The following GPC5 variants were observed in gnomAD, a reference collection of about 807,000 sequenced individuals.
The protein encoded by GPC5 is glypican-5.
A neutral mutation model predicts 53.9 loss-of-function variants in GPC5; 47 were observed. That is an observed-to-expected ratio of 0.87 (90% CI 0.69 to 1.11). The LOEUF (loss-of-function observed/expected upper bound fraction) is 1.11. Among genes scored for constraint, GPC5 ranks in the 50% most tolerant of loss-of-function variants. The pLI is 0.00. For synonymous variants in GPC5, 286 were observed against 263.3 expected (o/e 1.09, Z -0.84); for missense variants, 748 against 713.1 (o/e 1.05, Z -0.56).
chr13:92,200,958 GAC>G (rs1484894835), intron 7 of GPC5, among the ~76,000 whole-genome samples: 1 of 141,960 alleles, frequency 7.0e-6, no homozygotes, highest in African/African-American at 2.7e-5. Flanking sequence ...GCAACAGACA[GAC>G]ACACAGGCAC....
At chr13:92,061,596 C>A (rs1162816427) in intron 6 of GPC5, among the ~76,000 whole-genome samples, 2 of 151,984 alleles carry the variant, frequency 1.3e-5, no homozygotes, top group African/African-American at 4.8e-5. Flanking sequence ...AGGGATTATA[C>A]TTTAAATATT....
rs1164190037 is a variant in GPC5 at position 92,144,894 on chromosome 13, G to A, written c.1466G>A (p.Gly489Asp). 2.5e-6 allele frequency: 4 copies of A among 1,610,074 alleles called. No homozygotes were observed. Among genetic ancestry groups the A allele is most frequent in the Non-Finnish European group, 3.4e-6 (4 of 1,178,452 alleles). The change falls in exon 7 of 8, where the codon GGC becomes GAC. Residue 489 changes from glycine (G) to aspartate (D), a missense_variant. Coordinates refer to ENST00000377067, the MANE Select transcript of GPC5 (RefSeq NM_004466.6). Reference protein sequence around the residue: ...WELLQLGSGGGMVEQVSGDCD... With the variant: ...WELLQLGSGGDMVEQVSGDCD... The stretch of plus-strand genomic sequence containing the variant: ...CTTCTTCAGCTGGGCAGTGGTGGAG[G>A]CATGGTTGAACAAGTCAGTGGGGAC...
chr13:92,066,093 T>A (rs1327748236), intron 6 of GPC5, among the ~76,000 whole-genome samples: 1 of 152,004 alleles, frequency 6.6e-6, no homozygotes, highest in East Asian at 1.9e-4. Flanking sequence ...TGAAGTTTTG[T>A]AAAAGGGAGG....
At chr13:92,608,860 A>G (rs1327384825) in intron 7 of GPC5, among the ~76,000 whole-genome samples, 2 of 152,138 alleles carry the variant, frequency 1.3e-5, no homozygotes, top group African/African-American at 2.4e-5. Context: ...CTGTGCTCCA[A>G]CCATAGTGTA....
intron 6 of GPC5, among the ~76,000 whole-genome samples, chr13:92,067,533 G>C (rs1457304574): frequency 6.6e-6 from 1 of 151,970 alleles, no homozygotes; most frequent in Non-Finnish European, 1.5e-5. Context: ...ATGACAGCTG[G>C]AGGAAAAAAT....
chr13:91,480,942 T>A (rs1883266347), intron 2 of GPC5, among the ~76,000 whole-genome samples: 1 of 144,986 alleles, frequency 6.9e-6, no homozygotes, highest in Non-Finnish European at 1.5e-5. Context: ...GATATTTCTG[T>A]GTTCTATCTT....
chr13:92,436,354 T>C (rs1318995115), intron 7 of GPC5, among the ~76,000 whole-genome samples: 1 of 152,198 alleles, frequency 6.6e-6, no homozygotes, highest in Non-Finnish European at 1.5e-5. Flanking sequence ...GTCATTCATA[T>C]TATACTTCTG....
rs377239978 is a variant in GPC5 at position 91,463,426 on chromosome 13, G to A, written c.325+14504G>A. Among the ~76,000 whole-genome samples, 15 of 152,186 alleles carry A rather than the reference G, an allele frequency of 9.9e-5. No homozygotes were observed. In the East Asian group the frequency reaches 2.9e-3, roughly 29 times the overall value. Reference sequence around the variant, plus strand: ...GGAGACTATAAAGATACACGTCCAAGCATGTTAATTGTAGTGTTTGTTCAA... The same window carrying A: ...GGAGACTATAAAGATACACGTCCAAACATGTTAATTGTAGTGTTTGTTCAA... On this transcript the variant is annotated intron_variant, in intron 2 of 7. Coordinates refer to ENST00000377067, the MANE Select transcript of GPC5 (RefSeq NM_004466.6).
In GPC5 at chr13:92,561,869, A is replaced by G. The variant is rs189801131; in HGVS notation, c.1562-304413A>G. Among the ~76,000 whole-genome samples, 274 of 152,214 alleles carry G rather than the reference A, an allele frequency of 1.8e-3. 1 individual carries two copies. The highest frequency in any genetic ancestry group is 6.4e-3 in the African/African-American group (268 of 41,560). Reference sequence around the variant, plus strand: ...CCTCAGAGGAGATAAAGTTGTGGATATTTAGAAAGGAACGAAGAATGCACC... The same window carrying G: ...CCTCAGAGGAGATAAAGTTGTGGATGTTTAGAAAGGAACGAAGAATGCACC... On this transcript the variant is annotated intron_variant, in intron 7 of 7. Transcript: ENST00000377067.
intron 6 of GPC5, among the ~76,000 whole-genome samples, chr13:91,971,815 A>C (rs983369234): frequency 1.3e-5 from 2 of 152,164 alleles, no homozygotes; most frequent in African/African-American, 4.8e-5. Flanking sequence ...GTTTGATTGC[A>C]CTGTGGTCTG....
At chr13:92,123,244 T>TAAA (rs34197765) in intron 6 of GPC5, among the ~76,000 whole-genome samples, 1 of 144,764 alleles carries the variant, frequency 6.9e-6, no homozygotes, top group Non-Finnish European at 1.5e-5. Context: ...GTCTCTACTT[T>TAAA]AAAAAAAAAA....
chr13:91,841,600 CAATG>C (rs1257590877), intron 5 of GPC5, among the ~76,000 whole-genome samples: 1 of 151,128 alleles, frequency 6.6e-6, no homozygotes, highest in Non-Finnish European at 1.5e-5. Flanking sequence ...ACAAGGTGGC[CAATG>C]AATAACATTA....
intron 5 of GPC5, among the ~76,000 whole-genome samples, chr13:91,823,535 G>C (rs796415539): frequency 5.3e-5 from 8 of 152,180 alleles, no homozygotes; most frequent in African/African-American, 1.9e-4. Context: ...CACCTTAGAT[G>C]TTTGAAGCAG....
intron 6 of GPC5, among the ~76,000 whole-genome samples, chr13:91,941,002 C>A (rs898302977): frequency 1.3e-5 from 2 of 151,914 alleles, no homozygotes; most frequent in Non-Finnish European, 2.9e-5. Flanking sequence ...TAATTAGGTC[C>A]CACTTATTCA....
chr13:92,493,478 G>A (rs1456619358), intron 7 of GPC5, among the ~76,000 whole-genome samples: 1 of 152,138 alleles, frequency 6.6e-6, no homozygotes, highest in Non-Finnish European at 1.5e-5. Context: ...CATTGAAGTA[G>A]TGAGAACGAT....
intron 6 of GPC5, among the ~76,000 whole-genome samples, chr13:91,950,270 T>TTG (rs1019415118): frequency 6.2e-5 from 9 of 144,558 alleles, no homozygotes; most frequent in Non-Finnish European, 1.0e-4. Context: ...TGCCAAGTTT[T>TTG]TTTTTTTTTT....
chr13:92,269,132 CT>C (rs1392158622), intron 7 of GPC5, among the ~76,000 whole-genome samples: 1 of 151,948 alleles, frequency 6.6e-6, no homozygotes, highest in Non-Finnish European at 1.5e-5. Flanking sequence ...GACTTGATTT[CT>C]TTTCAAGGGC....
intron 2 of GPC5, among the ~76,000 whole-genome samples, chr13:91,691,260 A>G (rs2035752120): frequency 6.6e-6 from 1 of 152,230 alleles, no homozygotes; most frequent in Non-Finnish European, 1.5e-5. Flanking sequence ...AAAACTGGCC[A>G]GGTTAAAAGA....
chr13:91,575,855 A>G (rs567003992), intron 2 of GPC5, among the ~76,000 whole-genome samples: 2 of 152,264 alleles, frequency 1.3e-5, no homozygotes, highest in South Asian at 4.1e-4. Context: ...TACTATACCA[A>G]TTATGTTTTT....
Sources: allele counts gnomAD v4.1 joint callset (sites outside exome capture counted in the v4.1 genomes callset), GRCh38; gene constraint gnomAD v4.1.1; transcripts MANE v1.5; gene names NCBI Gene and HGNC (gene_info 2026-07-23, HGNC 2026-07-21).